MIEF1: variants seen among roughly 807,000 people sequenced by gnomAD.
MIEF1 encodes mitochondrial elongation factor 1, also known as mitochondrial dynamics protein MIEF1.
Under a neutral mutation model 35.1 loss-of-function variants are expected in MIEF1, and 14 were observed. The ratio of observed to expected loss-of-function variants is 0.40; its 90% CI spans 0.26 to 0.62. The LOEUF (loss-of-function observed/expected upper bound fraction) is 0.62. Ranked by LOEUF, MIEF1 falls within the 20% of genes least tolerant of loss-of-function variation. The pLI is 0.43. For missense variants in MIEF1, 542 were observed against 615.4 expected, an observed-to-expected ratio of 0.88 and a Z score of 1.26; for synonymous variants, 245 against 254.3, an observed-to-expected ratio of 0.96 and a Z score of 0.35.
At chr22:39,504,656 C>T in intron 2 of MIEF1, 122 bp downstream of exon 2, 1 of 345,716 alleles carries the variant, frequency 2.9e-6, no homozygotes, top group Non-Finnish European at 5.2e-6. Flanking sequence ...TGGTGTGCAC[C>T]TATAGTCCCA....
rs746776804 is a variant in MIEF1 at position 39,508,169 on chromosome 22, G to A, written c.-7-3119G>A. Reference sequence around the variant, plus strand: ...ACAACCCTGTGATTTGGTCCCACGCGGGGACCATTATCCCCTTTTCGTAGC... The same window carrying A: ...ACAACCCTGTGATTTGGTCCCACGCAGGGACCATTATCCCCTTTTCGTAGC... On this transcript the variant is annotated intron_variant, in intron 2 of 5. Transcript: ENST00000325301. 5.3e-5 allele frequency among the ~76,000 whole-genome samples: 8 copies of A among 152,300 alleles called. No homozygotes were observed. The South Asian group carries it at 6.2e-4, about 12-fold the overall frequency.
Position 39,513,877 on chromosome 22 carries a change from G to C in MIEF1, c.946G>C (p.Val316Leu), listed in dbSNP as rs765666371. ...KHLFIDFLPSVTLGDTVLVAK... is the reference protein window; with the variant it reads ...KHLFIDFLPSLTLGDTVLVAK... The stretch of plus-strand genomic sequence containing the variant: ...TCTCTTCATTGACTTCCTGCCATCA[G>C]TGACCCTCGGTGACACAGTCTTGGT... The change falls in exon 6 of 6, where the codon GTG (valine) becomes CTG (leucine). Residue 316 changes from valine (V) to leucine (L), a missense_variant. Physicochemically the swap from Val to Leu is conservative, Grantham distance 32 (BLOSUM62 1). Coordinates refer to ENST00000325301, the MANE Select transcript of MIEF1 (RefSeq NM_019008.6). 2.5e-5 allele frequency: 41 copies of C among 1,613,966 alleles called. No individual in the cohort carries two copies. The Admixed American group carries it at 5.8e-4, about 23-fold the overall frequency.
At chr22:39,511,561 A>T in intron 3 of MIEF1, 123 bp downstream of exon 3, 1 of 1,386,872 alleles carries the variant, frequency 7.2e-7, no homozygotes, top group Non-Finnish European at 9.5e-7. Context: ...AAGTGAAAAA[A>T]ACAGGTTTCA....
At position 39,515,014 on chromosome 22, in the gene MIEF1, A is replaced by G; in HGVS notation, c.*691A>G. 1.8e-6 allele frequency: 1 copy of G among 548,736 alleles called. No homozygotes were observed. 34.0% of individuals were successfully genotyped at this position (548,736 alleles called of 1,614,324 possible). On this transcript the variant is annotated 3_prime_UTR_variant, in exon 6 of 6. Transcript: ENST00000325301. ...ACCCACACAGGATAAGCTGAATGCA[A>G]AGTTATTTGCAGGTTGAATTTCTTG...
chr22:39,514,477 C>T lies in MIEF1; in HGVS notation c.*154C>T, dbSNP rs915108391. The stretch of plus-strand genomic sequence containing the variant: ...CTTCATGCTGATTAGAATGACATCT[C>T]TTTCGTCTCCTATTTTGTTACCCAA... On this transcript the variant is annotated 3_prime_UTR_variant, in exon 6 of 6. Coordinates refer to ENST00000325301, the MANE Select transcript of MIEF1 (RefSeq NM_019008.6). 9 of 692,258 alleles carry T rather than the reference C, an allele frequency of 1.3e-5. No individual in the cohort carries two copies. In the African/African-American group the frequency reaches 1.6e-4, roughly 12 times the overall value. The allele number at this position is 692,258 out of a possible 1,614,324, so 42.9% of individuals were successfully genotyped here.
In MIEF1 at chr22:39,511,450, C is replaced by A; in HGVS notation, c.144+12C>A. 6.5e-7 allele frequency: 1 copy of A among 1,547,582 alleles called. No individual in the cohort carries two copies. On this transcript the variant is annotated intron_variant, in intron 3 of 5. Coordinates refer to ENST00000325301, the MANE Select transcript of MIEF1 (RefSeq NM_019008.6). ...TGGCAGTTAAGCGGGTAAGTGCATG[C>A]AGCCAGGGCTGGGGGTGGAATGTAG... is the stretch of plus-strand genomic sequence containing the variant.
intron 2 of MIEF1, among the ~76,000 whole-genome samples, chr22:39,507,880 A>G (rs1269188707): frequency 3.3e-5 from 5 of 152,044 alleles, no homozygotes; most frequent in Non-Finnish European, 5.9e-5. Flanking sequence ...AAAAGAAAAA[A>G]TAGTTTTGAT....
At position 39,510,571 on chromosome 22, in the gene MIEF1, C is replaced by T. The variant is rs542461596; in HGVS notation, c.-7-717C>T. 1.4e-4 allele frequency among the ~76,000 whole-genome samples: 21 copies of T among 152,310 alleles called. No homozygotes were observed. In the East Asian group the frequency reaches 3.7e-3, roughly 27 times the overall value. ...TAGGCATGAGCCACTGCGCCTGTAC[C>T]ATTTCTTTTCTCTGAGACCTGACAC... On this transcript the variant is annotated intron_variant, in intron 2 of 5. Transcript: ENST00000325301.
Position 39,502,370 on chromosome 22 carries a change from G to A in MIEF1, c.-407G>A, listed in dbSNP as rs555379864. The A allele has an allele frequency of 2.0e-5, 3 of 152,524 alleles. No individual in the cohort carries two copies. The East Asian group carries it at 5.8e-4, about 29-fold the overall frequency. 9.4% of individuals were successfully genotyped at this position (152,524 alleles called of 1,614,324 possible). A position where few individuals can be genotyped will look rare whatever the true frequency, so the allele number is the denominator to read the frequency against. On this transcript the variant is annotated 5_prime_UTR_variant, in exon 1 of 6. The change abolishes an upstream ATG in the 5' untranslated region. Coordinates refer to ENST00000325301, the MANE Select transcript of MIEF1 (RefSeq NM_019008.6). ...CCGGAAGTGAAGGGGCCATGTTGAT[G>A]GGTGACCCGGGGAGAGGTACCCGGC...
intron 2 of MIEF1, among the ~76,000 whole-genome samples, chr22:39,507,446 C>T (rs568202285): frequency 2.7e-4 from 41 of 151,832 alleles, no homozygotes; most frequent in South Asian, 1.9e-3. Flanking sequence ...AGAGGTTCAC[C>T]GTGTTAGCCA....
rs1233287676 is a variant in MIEF1, at chr22:39,515,210, CTTATT to C, written c.*893_*897del. 1.4e-6 allele frequency: 1 copy of C among 699,464 alleles called. No homozygotes were observed. The highest frequency in any genetic ancestry group is 2.7e-6 in the Non-Finnish European group (1 of 375,046). 43.3% of individuals were successfully genotyped at this position (699,464 alleles called of 1,614,324 possible). A position where few individuals can be genotyped will look rare whatever the true frequency, so the allele number is the denominator to read the frequency against. ...TGAATGCTGGTTTTCACACCTTTTC[CTTATT>C]TTATTGCCAATCAGGACAAGGCCTT... On this transcript the variant is annotated 3_prime_UTR_variant, in exon 6 of 6. Transcript: ENST00000325301.
In MIEF1 at chr22:39,516,311, T is replaced by C. The variant is rs1930666888; in HGVS notation, c.*1988T>C. ...GGATTGATAGAGTGTTGCAAAAGTA[T>C]AGATTATTCATTGAGATAAAGGATT... On this transcript the variant is annotated 3_prime_UTR_variant, in exon 6 of 6. Transcript: ENST00000325301. The C allele has an allele frequency of 6.6e-6, 1 of 152,162 alleles. No individual in the cohort carries two copies. Among genetic ancestry groups the C allele is most frequent in the African/African-American group, 2.4e-5 (1 of 41,434 alleles). The allele number at this position is 152,162 out of a possible 1,614,324, so 9.4% of individuals were successfully genotyped here.
At position 39,514,425 on chromosome 22, in the gene MIEF1, G is replaced by A; in HGVS notation, c.*102G>A. On this transcript the variant is annotated 3_prime_UTR_variant, in exon 6 of 6. Transcript: ENST00000325301. ...TGCCTCACAGGGTTCCTGCTGCCTG[G>A]TGTCTTGCTGATCATCACCCTGGTC... 1 of 1,142,452 alleles carries A rather than the reference G, an allele frequency of 8.8e-7. No individual in the cohort carries two copies. Among genetic ancestry groups the A allele is most frequent in the Non-Finnish European group, 1.3e-6 (1 of 788,890 alleles). 70.8% of individuals were successfully genotyped at this position (1,142,452 alleles called of 1,614,324 possible). A position where few individuals can be genotyped will look rare whatever the true frequency, so the allele number is the denominator to read the frequency against.
At chr22:39,504,612 T>TA in intron 2 of MIEF1, 78 bp downstream of exon 2, 2 of 386,262 alleles carry the variant, frequency 5.2e-6, no homozygotes, top group Non-Finnish European at 9.1e-6. Flanking sequence ...GTCATCCTTT[T>TA]AGTCATTAGA....
In MIEF1 at chr22:39,507,252, C is replaced by CT. The variant is rs1283002972; in HGVS notation, c.-8+2725dup. On this transcript the variant is annotated intron_variant, in intron 2 of 5. Transcript: ENST00000325301. ...CCTATTGCACTACAGTAGGAAAAGC[C>CT]TTTTTTTCTTGAGATGGAGTCTTGC... Among the ~76,000 whole-genome samples the CT allele has an allele frequency of 4.6e-5, 7 of 152,072 alleles. No homozygotes were observed. The East Asian group carries it at 9.7e-4, about 21-fold the overall frequency.
rs560951512 is a variant in MIEF1, at chr22:39,503,467, T to C, written c.-339-736T>C. Reference sequence around the variant, plus strand: ...GCAACAAAGCACTTTACAGATATGCTTGTGTAAGGGTTTATTGTTACTGAA... The same window carrying C: ...GCAACAAAGCACTTTACAGATATGCCTGTGTAAGGGTTTATTGTTACTGAA... On this transcript the variant is annotated intron_variant, in intron 1 of 5. Transcript: ENST00000325301. 8.5e-5 allele frequency: 13 copies of C among 152,354 alleles called. No homozygotes were observed. The South Asian group carries it at 2.7e-3, about 32-fold the overall frequency. The allele number at this position is 152,354 out of a possible 1,614,324, so 9.4% of individuals were successfully genotyped here.
In MIEF1 at chr22:39,513,656, C is replaced by T. The variant is rs779538701; in HGVS notation, c.725C>T (p.Pro242Leu). The T allele has an allele frequency of 6.2e-7, 1 of 1,614,142 alleles. No individual in the cohort carries two copies. The highest frequency in any genetic ancestry group is 1.1e-5 in the South Asian group (1 of 91,084). Residue 242 changes from proline (P) to leucine (L), a missense_variant, in exon 6 of 6, where the codon CCT becomes CTT. Coordinates refer to ENST00000325301, the MANE Select transcript of MIEF1 (RefSeq NM_019008.6). ...CGTCGTGAGAATCCAGAGTACTTTC[C>T]TCGTGGGAGCAGTTACTGGGACCGC... ...LVRRENPEYF[P>L]RGSSYWDRCV...
At position 39,514,900 on chromosome 22, in the gene MIEF1, C is replaced by CGGTTCCTGGAGTA. The variant is rs1295873390; in HGVS notation, c.*579_*591dup. 1 of 276,278 alleles carries CGGTTCCTGGAGTA rather than the reference C, an allele frequency of 3.6e-6. No individual in the cohort carries two copies. The highest frequency in any genetic ancestry group is 8.3e-5 in the East Asian group (1 of 12,070). 17.1% of individuals were successfully genotyped at this position (276,278 alleles called of 1,614,324 possible). ...TGGTAGAAGAGTTGGCCTTTGACCA[C>CGGTTCCTGGAGTA]GGTTCCTGGAGTAGAAGTCCATCCT... On this transcript the variant is annotated 3_prime_UTR_variant, in exon 6 of 6. Coordinates refer to ENST00000325301, the MANE Select transcript of MIEF1 (RefSeq NM_019008.6).
chr22:39,516,813 CCTT>C lies in MIEF1; in HGVS notation c.*2494_*2496del, dbSNP rs1250835701. On this transcript the variant is annotated 3_prime_UTR_variant, in exon 6 of 6. Transcript: ENST00000325301. Reference sequence around the variant, plus strand: ...TAAGGAAGGCAAATGAGTTTATCATCCTTCTTAAAGAGCATCTCTTTTAACTGT... The same window carrying C: ...TAAGGAAGGCAAATGAGTTTATCATCCTTAAAGAGCATCTCTTTTAACTGT... 1 of 152,206 alleles carries C rather than the reference CCTT, an allele frequency of 6.6e-6. No individual in the cohort carries two copies. The highest frequency in any genetic ancestry group is 1.5e-5 in the Non-Finnish European group (1 of 68,032). 9.4% of individuals were successfully genotyped at this position (152,206 alleles called of 1,614,324 possible). A position where few individuals can be genotyped will look rare whatever the true frequency, so the allele number is the denominator to read the frequency against.
Sources: allele counts gnomAD v4.1 joint callset (sites outside exome capture counted in the v4.1 genomes callset), GRCh38; gene constraint gnomAD v4.1.1; transcripts MANE v1.5; gene names NCBI Gene and HGNC (gene_info 2026-07-23, HGNC 2026-07-21).